The following RAB10 variants were observed in gnomAD, a reference collection of about 807,000 sequenced individuals.
RAB10 encodes the protein ras-related protein Rab-10.
Under a neutral mutation model 25.7 loss-of-function variants are expected in RAB10, and 5 were observed. The observed-to-expected ratio is 0.19, with a 90% CI of 0.10 to 0.41. The LOEUF is 0.41. RAB10 is among the 10% of genes least tolerant of loss of function. The probability of loss-of-function intolerance (pLI) is 1.00; values close to 1 mark genes in which losing one functional copy is unlikely to be tolerated. For missense variants in RAB10, 103 were observed against 245.8 expected (o/e 0.42, Z 3.89); for synonymous variants, 89 against 86.4 (o/e 1.03, Z -0.16).
chr2:26,044,112 A>C (rs1376397069), intron 1 of RAB10, among the ~76,000 whole-genome samples: 2 of 152,232 alleles, frequency 1.3e-5, no homozygotes, highest in Non-Finnish European at 2.9e-5. Context: ...TGAACTGTAC[A>C]CATTAAAAAT....
At chr2:26,088,020 G>A (rs1667024699) in intron 1 of RAB10, among the ~76,000 whole-genome samples, 6 of 152,210 alleles carry the variant, frequency 3.9e-5, no homozygotes, top group Admixed American at 3.9e-4. Context: ...TGCCTAAGCG[G>A]CATTCAAACG....
chr2:26,109,488 A>T (rs1174236358), intron 2 of RAB10, among the ~76,000 whole-genome samples: 1 of 152,184 alleles, frequency 6.6e-6, no homozygotes, highest in East Asian at 1.9e-4. Flanking sequence ...TAAAAATCCT[A>T]CCTGCTTTTG....
chr2:26,132,071 C>A (rs1198544291), intron 5 of RAB10, among the ~76,000 whole-genome samples: 1 of 152,190 alleles, frequency 6.6e-6, no homozygotes, highest in Admixed American at 6.5e-5. Context: ...TTGATAAATA[C>A]AGCCAAAGTC....
intron 5 of RAB10, among the ~76,000 whole-genome samples, chr2:26,131,309 T>A (rs1668009385): frequency 6.6e-6 from 1 of 152,150 alleles, no homozygotes; most frequent in East Asian, 1.9e-4. Context: ...AATCTCATCA[T>A]GTTTTAACAA....
At chr2:26,091,353 C>G (rs1294712748) in intron 1 of RAB10, among the ~76,000 whole-genome samples, 2 of 151,970 alleles carry the variant, frequency 1.3e-5, no homozygotes, top group African/African-American at 4.8e-5. Flanking sequence ...CTTAGGGTAG[C>G]TAGGGGAAAG....
At chr2:26,066,502 G>C (rs956109010) in intron 1 of RAB10, among the ~76,000 whole-genome samples, 1 of 152,136 alleles carries the variant, frequency 6.6e-6, no homozygotes, top group South Asian at 2.1e-4. Context: ...AAGAAAAGAG[G>C]TTTGATTGAC....
At chr2:26,124,292 C>T (rs1299944301) in intron 3 of RAB10, among the ~76,000 whole-genome samples, 4 of 148,086 alleles carry the variant, frequency 2.7e-5, no homozygotes, top group African/African-American at 1.0e-4. Flanking sequence ...TATTTTATAA[C>T]TTTCCTAGTT....
At chr2:26,128,613 T>TTAAGA (rs5829998) in intron 5 of RAB10, among the ~76,000 whole-genome samples, 125,697 of 151,690 alleles carry the variant, frequency 0.83, 52,402 homozygotes, top group African/African-American at 0.93. Flanking sequence ...TTAGGAAATT[T>TTAAGA]TAAGAAATGA....
At chr2:26,065,156 G>C (rs1425768207) in intron 1 of RAB10, among the ~76,000 whole-genome samples, 1 of 151,980 alleles carries the variant, frequency 6.6e-6, no homozygotes, top group African/African-American at 2.4e-5. Flanking sequence ...TGAGTATTCA[G>C]TGTGTTTGTT....
intron 1 of RAB10, among the ~76,000 whole-genome samples, chr2:26,037,873 G>C (rs1665797463): frequency 6.6e-6 from 1 of 151,892 alleles, no homozygotes; most frequent in Non-Finnish European, 1.5e-5. Flanking sequence ...GTATTTGTTG[G>C]TGCTCCACTA....
chr2:26,110,754 G>A (rs1667552987), intron 3 of RAB10, among the ~76,000 whole-genome samples: 1 of 151,968 alleles, frequency 6.6e-6, no homozygotes, highest in Non-Finnish European at 1.5e-5. Flanking sequence ...CACCCAGGCT[G>A]GAGTGCAGTG....
chr2:26,051,795 C>T (rs181495316), intron 1 of RAB10, among the ~76,000 whole-genome samples: 9 of 151,022 alleles, frequency 6.0e-5, no homozygotes, highest in Non-Finnish European at 8.8e-5. Context: ...AGGTGGTTCA[C>T]GCCTGTAATC....
chr2:26,071,352 A>G (rs1370136499), intron 1 of RAB10, among the ~76,000 whole-genome samples: 1 of 152,202 alleles, frequency 6.6e-6, no homozygotes, highest in Non-Finnish European at 1.5e-5. Context: ...GAATGAATGA[A>G]GTGACAGTAT....
At chr2:26,111,494 C>G (rs1385070650) in intron 3 of RAB10, among the ~76,000 whole-genome samples, 10 of 151,652 alleles carry the variant, frequency 6.6e-5, no homozygotes, top group African/African-American at 2.4e-4. Context: ...ATCCCAGCTA[C>G]TTGGGAGGCT....
At chr2:26,109,704 G>T in intron 2 of RAB10, 64 bp from the exon 3 acceptor site, 3 of 1,414,750 alleles carry the variant, frequency 2.1e-6, no homozygotes, top group Admixed American at 2.7e-5. Context: ...TTCTTGTTTT[G>T]TCCTTTATGT....
chr2:26,054,013 CTTTT>C (rs79698583), intron 1 of RAB10, among the ~76,000 whole-genome samples: 1 of 105,022 alleles, frequency 9.5e-6, no homozygotes, highest in Non-Finnish European at 2.1e-5. Flanking sequence ...CTTTTTCTTT[CTTTT>C]TTTTTTTTTT....
chr2:26,057,552 G>T (rs977969652), intron 1 of RAB10, among the ~76,000 whole-genome samples: 25 of 151,204 alleles, frequency 1.7e-4, no homozygotes, highest in African/African-American at 6.1e-4. Flanking sequence ...TGGGGGGATG[G>T]TGTAGAGAAA....
intron 1 of RAB10, among the ~76,000 whole-genome samples, chr2:26,098,109 C>CTTTTTTT (rs57174956): frequency 1.2e-3 from 65 of 52,696 alleles, no homozygotes; most frequent in Non-Finnish European, 1.5e-3. Context: ...TTCTTTCTTT[C>CTTTTTTT]TTTTTTTTTT....
At chr2:26,091,522 G>T (rs1260728946) in intron 1 of RAB10, among the ~76,000 whole-genome samples, 1 of 152,150 alleles carries the variant, frequency 6.6e-6, no homozygotes, top group Non-Finnish European at 1.5e-5. Flanking sequence ...AATGTTGAGG[G>T]CAGGGTAGAG....
Sources: allele counts gnomAD v4.1 joint callset (sites outside exome capture counted in the v4.1 genomes callset), GRCh38; gene constraint gnomAD v4.1.1; transcripts MANE v1.5; gene names NCBI Gene and HGNC (gene_info 2026-07-23, HGNC 2026-07-21).